Variants in ANAPC10 observed in about 807,000 individuals in gnomAD.
ANAPC10 encodes anaphase-promoting complex subunit 10.
Under a neutral mutation model 22.0 loss-of-function variants are expected in ANAPC10, and 12 were observed. The observed-to-expected ratio is 0.55, with a 90% confidence interval of 0.35 to 0.88. The LOEUF (loss-of-function observed/expected upper bound fraction) is 0.88, where lower values mean the gene tolerates loss of function less well. Ranked by LOEUF, ANAPC10 falls within the 40% of genes least tolerant of loss-of-function variation. The probability of loss-of-function intolerance (pLI) is 0.01; values close to 1 mark genes in which losing one functional copy is unlikely to be tolerated. For synonymous variants in ANAPC10, 65 were observed against 69.5 expected (o/e 0.94, Z 0.32); for missense variants, 188 against 220.9 (o/e 0.85, Z 0.94).
At chr4:145,025,586 C>T (rs977217446) in intron 4 of ANAPC10, among the ~76,000 whole-genome samples, 7 of 151,992 alleles carry the variant, frequency 4.6e-5, no homozygotes, top group African/African-American at 1.7e-4. Context: ...GGCTTAAGTT[C>T]GTGGGGACCC....
At position 145,095,110 on chromosome 4, in the gene ANAPC10, T is replaced by TA. The variant is rs988384584; in HGVS notation, c.115+874dup. Reference sequence around the variant, plus strand: ...AAAGAAATTGGACAGAGATATATGATAAAAAAAAATTCAGTGCATTAGAAT... The same window carrying TA: ...AAAGAAATTGGACAGAGATATATGATAAAAAAAAAATTCAGTGCATTAGAAT... On this transcript the variant is annotated intron_variant, in intron 2 of 4. Transcript: ENST00000507656. 6.6e-5 allele frequency among the ~76,000 whole-genome samples: 10 copies of TA among 151,586 alleles called. No individual in the cohort carries two copies. In the East Asian group the frequency reaches 9.7e-4, roughly 15 times the overall value.
intron 4 of ANAPC10, among the ~76,000 whole-genome samples, chr4:145,026,788 C>T (rs1344449218): frequency 1.3e-5 from 2 of 150,166 alleles, no homozygotes; most frequent in Admixed American, 6.7e-5. Context: ...AACAAAGCAT[C>T]ATTAATATCC....
At chr4:145,050,550 T>C (rs2127194852) in intron 4 of ANAPC10, among the ~76,000 whole-genome samples, 1 of 152,348 alleles carries the variant, frequency 6.6e-6, no homozygotes, top group East Asian at 1.9e-4. Context: ...TAATCTTAGC[T>C]GGCATCTTCC....
At chr4:145,086,015 G>A (rs887555409) in intron 2 of ANAPC10, among the ~76,000 whole-genome samples, 1 of 151,900 alleles carries the variant, frequency 6.6e-6, no homozygotes, top group African/African-American at 2.4e-5. Flanking sequence ...CCTTTGCAGG[G>A]GGCAGAGCTT....
At chr4:145,029,215 C>A (rs998250540) in intron 4 of ANAPC10, among the ~76,000 whole-genome samples, 2 of 152,082 alleles carry the variant, frequency 1.3e-5, no homozygotes, top group Non-Finnish European at 2.9e-5. Context: ...CCAGTAGTGG[C>A]AACATCCCCT....
At chr4:145,096,361 C>G (rs1039336929) in intron 1 of ANAPC10, among the ~76,000 whole-genome samples, 1 of 152,078 alleles carries the variant, frequency 6.6e-6, no homozygotes, top group Non-Finnish European at 1.5e-5. Flanking sequence ...AGTTCAAGAC[C>G]AGCCTGGACA....
chr4:145,047,397 A>G (rs1469635517), intron 4 of ANAPC10, among the ~76,000 whole-genome samples: 1 of 152,132 alleles, frequency 6.6e-6, no homozygotes, highest in African/African-American at 2.4e-5. Flanking sequence ...CGAGTACAAT[A>G]TGACTCTGGG....
intron 4 of ANAPC10, among the ~76,000 whole-genome samples, chr4:145,038,181 T>C (rs1025835631): frequency 6.6e-6 from 1 of 151,740 alleles, no homozygotes; most frequent in East Asian, 1.9e-4. Context: ...AAAATAAAAA[T>C]AAATAATAGA....
At chr4:145,073,292 T>C (rs945884858) in intron 3 of ANAPC10, among the ~76,000 whole-genome samples, 1 of 152,234 alleles carries the variant, frequency 6.6e-6, no homozygotes, top group African/African-American at 2.4e-5. Context: ...ATTGCACAAA[T>C]GCTTTTTTAC....
At chr4:145,044,353 G>A (rs894398659) in intron 4 of ANAPC10, among the ~76,000 whole-genome samples, 1 of 152,036 alleles carries the variant, frequency 6.6e-6, no homozygotes, top group Non-Finnish European at 1.5e-5. Flanking sequence ...TTTAAAGACA[G>A]TACTTTTTAG....
At chr4:145,050,991 TCGCTGTTTGGAG>T (rs1741023925) in intron 4 of ANAPC10, among the ~76,000 whole-genome samples, 1 of 152,224 alleles carries the variant, frequency 6.6e-6, no homozygotes, top group African/African-American at 2.4e-5. Flanking sequence ...ATTCACAACT[TCGCTGTTTGGAG>T]CAAGAGGCCT....
intron 3 of ANAPC10, among the ~76,000 whole-genome samples, chr4:145,068,136 G>A (rs1444860251): frequency 2.4e-4 from 37 of 152,136 alleles, no homozygotes; most frequent in Admixed American, 2.4e-3. Context: ...GGACTGCCAG[G>A]CTCCTCTTAC....
chr4:145,004,171 G>A (rs1181679400), intron 4 of ANAPC10, among the ~76,000 whole-genome samples: 2 of 152,142 alleles, frequency 1.3e-5, no homozygotes, highest in East Asian at 3.9e-4. Context: ...GTATGCTACT[G>A]ATTTTTGTAC....
intron 4 of ANAPC10, among the ~76,000 whole-genome samples, chr4:145,060,727 A>C (rs1742764596): frequency 6.6e-6 from 1 of 152,108 alleles, no homozygotes; most frequent in African/African-American, 2.4e-5. Context: ...TGACTCTGAA[A>C]ACCTCATAAA....
chr4:145,042,824 A>T (rs1739708589), intron 4 of ANAPC10, among the ~76,000 whole-genome samples: 1 of 151,994 alleles, frequency 6.6e-6, no homozygotes, highest in Non-Finnish European at 1.5e-5. Flanking sequence ...TTTTTGGATT[A>T]TGCTCTGGAG....
chr4:145,073,819 ATT>A (rs1744827532), intron 3 of ANAPC10, among the ~76,000 whole-genome samples: 2 of 152,090 alleles, frequency 1.3e-5, no homozygotes, highest in Admixed American at 1.3e-4. Context: ...TTTTAATATA[ATT>A]AAAAATGTTG....
At chr4:145,091,103 C>T (rs183923817) in intron 2 of ANAPC10, among the ~76,000 whole-genome samples, 2 of 152,322 alleles carry the variant, frequency 1.3e-5, no homozygotes, top group Admixed American at 6.5e-5. Flanking sequence ...AGACATATGA[C>T]ATTGCACTAC....
At chr4:145,031,445 ATT>A (rs977348861) in intron 4 of ANAPC10, among the ~76,000 whole-genome samples, 3 of 152,200 alleles carry the variant, frequency 2.0e-5, no homozygotes, top group Non-Finnish European at 4.4e-5. Flanking sequence ...AAGTTGCTGC[ATT>A]TGGCCCCTCC....
chr4:145,024,490 G>A (rs1036702279), intron 4 of ANAPC10, among the ~76,000 whole-genome samples: 1 of 152,198 alleles, frequency 6.6e-6, no homozygotes, highest in Non-Finnish European at 1.5e-5. Flanking sequence ...AACAGATGTT[G>A]TATCAGCAAA....
Sources: allele counts gnomAD v4.1 joint callset (sites outside exome capture counted in the v4.1 genomes callset), GRCh38; gene constraint gnomAD v4.1.1; transcripts MANE v1.5; gene names NCBI Gene and HGNC (gene_info 2026-07-23, HGNC 2026-07-21).